Variants in PCDHGB3 observed in about 807,000 individuals in gnomAD.
The protein encoded by PCDHGB3 is protocadherin gamma-B3.
A neutral mutation model predicts 59.2 loss-of-function variants in PCDHGB3; 40 were observed. The observed-to-expected ratio is 0.68, with a 90% CI of 0.52 to 0.88. The LOEUF (loss-of-function observed/expected upper bound fraction) is 0.88, where lower values mean the gene tolerates loss of function less well. Ranked by LOEUF, PCDHGB3 falls within the 40% of genes least tolerant of loss-of-function variation. PCDHGB3 has a pLI of 0.00. For missense variants in PCDHGB3, 1,309 were observed against 1,187.9 expected (o/e 1.10, Z -1.50); for synonymous variants, 581 against 503.6 (o/e 1.15, Z -2.06).
intron 1 of PCDHGB3, chr5:141,421,871 CT>C: frequency 6.2e-7 from 1 of 1,613,756 alleles, no homozygotes; most frequent in Non-Finnish European, 8.5e-7. Flanking sequence ...CTCCTCACAG[CT>C]TTAGATGGAG....
rs202073589 is a variant in PCDHGB3 at position 141,371,107 on chromosome 5, A to G, written c.713A>G (p.Asn238Ser). ...IRVIVADAND[N>S]PPVFTQDMYR... ...GTAATTGTCGCAGATGCAAATGATA[A>G]CCCCCCAGTATTTACTCAGGACATG... The change falls in exon 1 of 4, where the codon AAC becomes AGC. Residue 238 changes from asparagine (N) to serine (S), a missense_variant. Transcript: ENST00000576222. 2.4e-4 allele frequency: 391 copies of G among 1,613,532 alleles called. No homozygotes were observed. The highest frequency in any genetic ancestry group is 3.2e-4 in the Non-Finnish European group (372 of 1,179,724).
chr5:141,485,065 A>G lies in PCDHGB3; in HGVS notation c.2416-9742A>G, dbSNP rs527439590. On this transcript the variant is annotated intron_variant, in intron 1 of 3. Transcript: ENST00000576222. The surrounding 1 kb of genome is among the most constrained non-coding windows in gnomAD (Gnocchi z 5.7). ...TGCGGCGCCGGCCGAACCGCGCCAG[A>G]GCTGGCGCGGGGAAAGGGAGATAGG... The G allele has an allele frequency of 4.2e-5, 37 of 877,696 alleles. No individual in the cohort carries two copies. Among genetic ancestry groups the G allele is most frequent in the Non-Finnish European group, 6.5e-5 (36 of 552,826 alleles). The allele number at this position is 877,696 out of a possible 1,614,324, so 54.4% of individuals were successfully genotyped here. A position where few individuals can be genotyped will look rare whatever the true frequency, so the allele number is the denominator to read the frequency against.
intron 2 of PCDHGB3, among the ~76,000 whole-genome samples, chr5:141,495,645 C>T (rs2099762719): frequency 6.6e-6 from 1 of 152,208 alleles, no homozygotes; most frequent in South Asian, 2.1e-4. Context: ...CATTTGTCTA[C>T]TTGCATTGAT....
rs1244735686 is a variant in PCDHGB3 at position 141,432,142 on chromosome 5, C to A, written c.2415+59333C>A. 1 of 1,614,098 alleles carries A rather than the reference C, an allele frequency of 6.2e-7. No homozygotes were observed. The highest frequency in any genetic ancestry group is 1.1e-5 in the South Asian group (1 of 91,066). On this transcript the variant is annotated intron_variant, in intron 1 of 3. Transcript: ENST00000576222. This position sits in a 1 kb window ranked among gnomAD's most constrained non-coding sequence, Gnocchi z 6.0. ...CTCAGGCCTCCTATTCCGCTTATAT[C>A]CCAGAGAACAATCCCAGAGGAGTTT...
Position 141,493,477 on chromosome 5 carries a change from G to A in PCDHGB3, c.2416-1330G>A, listed in dbSNP as rs1657824440. On this transcript the variant is annotated intron_variant, in intron 1 of 3. Transcript: ENST00000576222. This position sits in a 1 kb window ranked among gnomAD's most constrained non-coding sequence, Gnocchi z 4.3. ...TTCCCTTTTAGGACCTTACATGTGG[G>A]GAAAGTCTTCTGTGGCTCCTCATTT... is the stretch of plus-strand genomic sequence containing the variant. Among the ~76,000 whole-genome samples, 3 of 152,124 alleles carry A rather than the reference G, an allele frequency of 2.0e-5. No individual in the cohort carries two copies. The highest frequency in any genetic ancestry group is 6.5e-5 in the Admixed American group (1 of 15,272).
intron 1 of PCDHGB3, chr5:141,420,292 T>C (rs761934978): frequency 2.7e-6 from 4 of 1,485,132 alleles, no homozygotes; most frequent in Middle Eastern, 1.8e-4. Context: ...TTTAAAAATG[T>C]ATTTAATCCT....
At chr5:141,395,542 T>TTGTG (rs55729045) in intron 1 of PCDHGB3, 55 of 172,626 alleles carry the variant, frequency 3.2e-4, no homozygotes, top group East Asian at 1.2e-3. Context: ...TTGCTATTGT[T>TTGTG]TGTGTGTGTG....
At chr5:141,509,106 A>T (rs1159119530) in intron 3 of PCDHGB3, among the ~76,000 whole-genome samples, 1 of 152,102 alleles carries the variant, frequency 6.6e-6, no homozygotes, top group Non-Finnish European at 1.5e-5. Flanking sequence ...TAGAAACCTG[A>T]GCGCTGGTGC....
intron 1 of PCDHGB3, among the ~76,000 whole-genome samples, chr5:141,468,738 T>C (rs965510711): frequency 3.0e-4 from 46 of 151,958 alleles, no homozygotes; most frequent in South Asian, 2.1e-3. Flanking sequence ...TGGTGGCGGG[T>C]GCCTGTAGTC....
In PCDHGB3 at chr5:141,388,268, C is replaced by A; in HGVS notation, c.2415+15459C>A. On this transcript the variant is annotated intron_variant, in intron 1 of 3. Coordinates refer to ENST00000576222, the MANE Select transcript of PCDHGB3 (RefSeq NM_018924.5). ...ATGTGGAGATCGAGGACATTAATGA[C>A]CACACGCCAAAATTCACGCAAAATT... The A allele has an allele frequency of 1.3e-6, 2 of 1,594,084 alleles. No homozygotes were observed. Among genetic ancestry groups the A allele is most frequent in the African/African-American group, 2.9e-5 (2 of 68,850 alleles).
Position 141,498,864 on chromosome 5 carries a change from C to T in PCDHGB3, c.2474+3999C>T, listed in dbSNP as rs1370263013. Among the ~76,000 whole-genome samples the T allele has an allele frequency of 2.7e-5, 4 of 149,532 alleles. No homozygotes were observed. The East Asian group carries it at 5.9e-4, about 22-fold the overall frequency. ...AGGGGAATCGCTTGAACCCAGGAGG[C>T]GGAGGTTGCAGTGAGCTGAGATCAC... On this transcript the variant is annotated intron_variant, in intron 2 of 3. Coordinates refer to ENST00000576222, the MANE Select transcript of PCDHGB3 (RefSeq NM_018924.5).
intron 1 of PCDHGB3, among the ~76,000 whole-genome samples, chr5:141,479,962 A>G: frequency 6.6e-6 from 1 of 152,226 alleles, no homozygotes; most frequent in Non-Finnish European, 1.5e-5. Context: ...GCAGTTAGTC[A>G]AATGAGGTTC....
chr5:141,372,079 T>C lies in PCDHGB3; in HGVS notation c.1685T>C (p.Val562Ala). ...GACCGCAACGACAATGCACCGCTGG[T>C]GCTGTACCCAGCTCTGGGGCCCGAA... ...VDDRNDNAPLVLYPALGPEGS... is the reference protein window; with the variant it reads ...VDDRNDNAPLALYPALGPEGS... Residue 562 changes from valine (V) to alanine (A), a missense_variant, in exon 1 of 4, where the codon GTG becomes GCG. Transcript: ENST00000576222. 6.2e-7 allele frequency: 1 copy of C among 1,613,698 alleles called. No homozygotes were observed. Among genetic ancestry groups the C allele is most frequent in the East Asian group, 2.2e-5 (1 of 44,880 alleles).
chr5:141,472,335 A>T (rs1033984936), intron 1 of PCDHGB3, among the ~76,000 whole-genome samples: 38 of 151,784 alleles, frequency 2.5e-4, no homozygotes, highest in Non-Finnish European at 2.5e-4. Context: ...AGGTTGGGAG[A>T]TCGAGACCAT....
intron 1 of PCDHGB3, chr5:141,383,026 T>A (rs767610901): frequency 6.2e-7 from 1 of 1,613,590 alleles, no homozygotes; most frequent in Non-Finnish European, 8.5e-7. Context: ...GGACAAAGGG[T>A]CCTTTGTGGG....
intron 2 of PCDHGB3, among the ~76,000 whole-genome samples, chr5:141,501,942 C>T (rs1012840550): frequency 2.6e-5 from 4 of 152,136 alleles, no homozygotes; most frequent in Non-Finnish European, 4.4e-5. Context: ...CACCACTGCT[C>T]CCTGTGACAG....
rs1185020546 is a variant in PCDHGB3, at chr5:141,485,472, C to A, written c.2416-9335C>A. 3 of 1,614,138 alleles carry A rather than the reference C, an allele frequency of 1.9e-6. No homozygotes were observed. Among genetic ancestry groups the A allele is most frequent in the Non-Finnish European group, 2.5e-6 (3 of 1,180,022 alleles). On this transcript the variant is annotated intron_variant, in intron 1 of 3. Transcript: ENST00000576222. The surrounding 1 kb of genome is among the most constrained non-coding windows in gnomAD (Gnocchi z 5.7). The stretch of plus-strand genomic sequence containing the variant: ...CGAGAGGCACTGTGTGGGCTCAGTG[C>A]CAGCTGCATCGTGCCCCTGGAGTTT...
At chr5:141,495,910 A>C (rs2154591812) in intron 2 of PCDHGB3, among the ~76,000 whole-genome samples, 1 of 151,278 alleles carries the variant, frequency 6.6e-6, no homozygotes, top group East Asian at 1.9e-4. Flanking sequence ...GTCTCTGTAT[A>C]TCTTTCTTTG....
rs745638360 is a variant in PCDHGB3, at chr5:141,410,529, A to G, written c.2415+37720A>G. Reference sequence around the variant, plus strand: ...AAATGCAGTGTGCCCCTACATTCCAATGAAGACATGGTTTGCAGTGTTTCT... The same window carrying G: ...AAATGCAGTGTGCCCCTACATTCCAGTGAAGACATGGTTTGCAGTGTTTCT... On this transcript the variant is annotated intron_variant, in intron 1 of 3. Transcript: ENST00000576222. The G allele has an allele frequency of 3.1e-6, 5 of 1,613,804 alleles. No individual in the cohort carries two copies. The Admixed American group carries it at 5.0e-5, about 16-fold the overall frequency.
Sources: gnomAD v4.1 joint callset for allele counts (sites outside exome capture counted in the v4.1 genomes callset) on GRCh38, gnomAD v4.1.1 for gene constraint, Gnocchi (gnomAD v3.1) non-coding constraint, MANE v1.5 for transcripts, NCBI Gene and HGNC (gene_info 2026-07-23, HGNC 2026-07-21) for gene names.